CERK: variants seen among roughly 807,000 people sequenced by gnomAD.
The protein encoded by CERK is ceramide kinase.
A neutral mutation model predicts 63.4 loss-of-function variants in CERK; 39 were observed. That is an observed-to-expected ratio of 0.61 (90% CI 0.48 to 0.80). The LOEUF is 0.80. Among genes scored for constraint, CERK ranks in the 30% least tolerant of loss-of-function variants. The probability of loss-of-function intolerance (pLI) is 0.00; values close to 1 mark genes in which losing one functional copy is unlikely to be tolerated. For synonymous variants in CERK, 302 were observed against 280.0 expected (o/e 1.08, Z -0.78); for missense variants, 670 against 714.1 (o/e 0.94, Z 0.70).
intron 1 of CERK, among the ~76,000 whole-genome samples, chr22:46,723,543 CG>C (rs1381477936): frequency 1.3e-5 from 2 of 151,490 alleles, no homozygotes; most frequent in Non-Finnish European, 2.9e-5. Context: ...TGCTTGAACC[CG>C]GGAGGCGGAG....
intron 11 of CERK, 96 bp from the exon 12 acceptor site, chr22:46,690,296 G>T: frequency 1.1e-6 from 1 of 901,478 alleles, no homozygotes; most frequent in Non-Finnish European, 1.7e-6. Context: ...GCGCTGTCAG[G>T]CCTGGGTGCA....
Position 46,720,912 on chromosome 22 carries a change from G to GT in CERK, c.245dup (p.Tyr82Ter). The change falls in exon 2 of 13, where the codon TAC becomes TAAC. Residue 82 changes from tyrosine (Y) to a stop codon, truncating the protein, a stop_gained and frameshift_variant. Transcript: ENST00000216264. LOFTEE classifies it high-confidence loss of function. ...SGKWQKMEKP[Y>*]AFTVHCVKRA... is the part of the protein sequence containing the mutation. ...ATTTAGGCTTATCACCTGTAAAAGC[G>GT]TAAGGCTTTTCCATTTTCTGCCATT... is the stretch of plus-strand genomic sequence containing the variant. 1 of 1,596,286 alleles carries GT rather than the reference G, an allele frequency of 6.3e-7. No homozygotes were observed. Among genetic ancestry groups the GT allele is most frequent in the Non-Finnish European group, 8.6e-7 (1 of 1,163,972 alleles).
chr22:46,728,634 C>CGCCT (rs1204472612), intron 1 of CERK, among the ~76,000 whole-genome samples: 1 of 152,222 alleles, frequency 6.6e-6, no homozygotes, highest in Non-Finnish European at 1.5e-5. Context: ...CAAGCCCGAC[C>CGCCT]GCCTGTCTCT....
chr22:46,702,259 G>A (rs1050826625), intron 6 of CERK, among the ~76,000 whole-genome samples: 12 of 142,564 alleles, frequency 8.4e-5, no homozygotes, highest in African/African-American at 2.1e-4. Context: ...GTGTGTGTGT[G>A]TGTGTGTGAA....
In CERK at chr22:46,701,652, C is replaced by T. The variant is rs764967045; in HGVS notation, c.774G>A (p.Ala258=). Residue 258 remains alanine, a synonymous_variant, in exon 7 of 13, where the codon GCG becomes GCA. Transcript: ENST00000216264. The part of the protein sequence containing the change: ...TVGTSDAETS[A]LHIVVGDSLA... Reference sequence around the variant, plus strand: ...GGGGCTCACCAACAACGATATGCAGCGCCGAGGTTTCTGCGTCGCTGGTGC... The same window carrying T: ...GGGGCTCACCAACAACGATATGCAGTGCCGAGGTTTCTGCGTCGCTGGTGC... 53 of 1,558,514 alleles carry T rather than the reference C, an allele frequency of 3.4e-5. No homozygotes were observed. Among genetic ancestry groups the T allele is most frequent in the Admixed American group, 1.1e-4 (6 of 52,218 alleles).
At position 46,693,513 on chromosome 22, in the gene CERK, A is replaced by G. The variant is rs1288591513; in HGVS notation, c.1050-10T>C. On this transcript the variant is annotated splice_polypyrimidine_tract_variant and intron_variant, in intron 9 of 12. Transcript: ENST00000216264. ...CCTGCAAACAAAGCATCTGAAAGAC[A>G]AGAATATCATCACCTTTTAAATATG... 27 of 1,612,378 alleles carry G rather than the reference A, an allele frequency of 1.7e-5. No homozygotes were observed. The highest frequency in any genetic ancestry group is 2.3e-5 in the Non-Finnish European group (27 of 1,178,580).
chr22:46,692,827 C>T (rs2082737980), intron 10 of CERK, among the ~76,000 whole-genome samples: 1 of 147,648 alleles, frequency 6.8e-6, no homozygotes, highest in Non-Finnish European at 1.5e-5. Context: ...ATCGCTTGAA[C>T]TCGGGAGGCG....
chr22:46,696,919 C>T lies in CERK; in HGVS notation c.944-1604G>A, dbSNP rs553177224. 8.5e-5 allele frequency among the ~76,000 whole-genome samples: 13 copies of T among 152,316 alleles called. No individual in the cohort carries two copies. In the East Asian group the frequency reaches 2.5e-3, roughly 29 times the overall value. ...GGACAGGGAGGGGGCATCCCAGGGG[C>T]ATTCTAGGCAGAGCCACACTGGGCT... is the stretch of plus-strand genomic sequence containing the variant. On this transcript the variant is annotated intron_variant, in intron 8 of 12. Transcript: ENST00000216264.
At chr22:46,695,107 C>A in intron 9 of CERK, 103 bp downstream of exon 9, 1 of 679,498 alleles carries the variant, frequency 1.5e-6, no homozygotes. Flanking sequence ...CTACATCCGG[C>A]ACCTTCCACC....
At chr22:46,706,115 G>A (rs1601716993) in intron 6 of CERK, among the ~76,000 whole-genome samples, 1 of 152,250 alleles carries the variant, frequency 6.6e-6, no homozygotes, top group African/African-American at 2.4e-5. Flanking sequence ...GAGTGTGTGT[G>A]AACACAGAGC....
At chr22:46,719,376 G>A (rs1442757910) in intron 3 of CERK, among the ~76,000 whole-genome samples, 1 of 151,820 alleles carries the variant, frequency 6.6e-6, no homozygotes, top group Admixed American at 6.6e-5. Context: ...CATTTCAGAT[G>A]TGGACACATC....
At chr22:46,690,524 C>T (rs115510654) in intron 11 of CERK, among the ~76,000 whole-genome samples, 2 of 152,246 alleles carry the variant, frequency 1.3e-5, no homozygotes, top group Middle Eastern at 6.8e-3. Context: ...CAATGACGAA[C>T]GCTTTTTACA....
chr22:46,723,173 A>C (rs1301799903), intron 1 of CERK, among the ~76,000 whole-genome samples: 1 of 152,218 alleles, frequency 6.6e-6, no homozygotes, highest in African/African-American at 2.4e-5. Context: ...GCAAGAGAAA[A>C]AGACAAAGAT....
intron 1 of CERK, among the ~76,000 whole-genome samples, chr22:46,722,877 G>C (rs2082899497): frequency 6.6e-6 from 1 of 152,232 alleles, no homozygotes; most frequent in Non-Finnish European, 1.5e-5. Context: ...GGTGGGGACA[G>C]CCTCACTGTC....
chr22:46,685,819 A>G lies in CERK; in HGVS notation c.*1315T>C, dbSNP rs801721. On this transcript the variant is annotated 3_prime_UTR_variant, in exon 13 of 13. Coordinates refer to ENST00000216264, the MANE Select transcript of CERK (RefSeq NM_022766.6). ...TGAAAATGGATGCTGCCTGTTAAAC[A>G]TGAAATCACTAAGGGAGCTTCTGCA... The G allele has an allele frequency of 0.35, 53,910 of 152,114 alleles. 9,751 individuals are homozygous for G. The highest frequency in any genetic ancestry group is 0.45 in the Middle Eastern group (132 of 294). 9.4% of individuals were successfully genotyped at this position (152,114 alleles called of 1,614,324 possible). A position where few individuals can be genotyped will look rare whatever the true frequency, so the allele number is the denominator to read the frequency against.
At position 46,720,187 on chromosome 22, in the gene CERK, C is replaced by G. The variant is rs1168500746; in HGVS notation, c.278G>C (p.Arg93Pro). The G allele has an allele frequency of 1.1e-5, 18 of 1,613,692 alleles. 1 individual carries two copies. The South Asian group carries it at 2.0e-4, about 18-fold the overall frequency. Residue 93 changes from arginine to proline, a missense_variant, in exon 3 of 13, where the codon CGA becomes CCA. By Grantham distance (103) the Arg-to-Pro change is moderately radical. Coordinates refer to ENST00000216264, the MANE Select transcript of CERK (RefSeq NM_022766.6). ...AFTVHCVKRA[R>P]RHRWKWAQVT... ...CTGCGCCCACTTCCAGCGGTGCCGTCGTGCTCTCTTTACACAGTGAACTGC... is the reference window on the plus strand; with the variant it reads ...CTGCGCCCACTTCCAGCGGTGCCGTGGTGCTCTCTTTACACAGTGAACTGC...
At chr22:46,731,275 G>C (rs1361764100) in intron 1 of CERK, among the ~76,000 whole-genome samples, 2 of 152,266 alleles carry the variant, frequency 1.3e-5, no homozygotes, top group Non-Finnish European at 2.9e-5. Context: ...CTGCCACTGA[G>C]CTGCAAGGTG....
At chr22:46,699,553 G>T (rs192119053) in intron 7 of CERK, 88 bp from the exon 8 acceptor site, 2 of 1,240,422 alleles carry the variant, frequency 1.6e-6, no homozygotes, top group Non-Finnish European at 2.3e-6. Flanking sequence ...CTTTGCAAAC[G>T]TGGGAGTTAC....
intron 8 of CERK, among the ~76,000 whole-genome samples, chr22:46,696,903 G>A (rs972279725): frequency 2.6e-5 from 4 of 152,244 alleles, no homozygotes; most frequent in African/African-American, 9.6e-5. Context: ...GGGACAGGGA[G>A]GGGGCATCCC....
Sources: gnomAD v4.1 joint callset for allele counts (sites outside exome capture counted in the v4.1 genomes callset) on GRCh38, gnomAD v4.1.1 for gene constraint, MANE v1.5 for transcripts, NCBI Gene and HGNC (gene_info 2026-07-23, HGNC 2026-07-21) for gene names.